DLG2: variants seen among roughly 807,000 people sequenced by gnomAD.
DLG2 encodes discs large MAGUK scaffold protein 2, also known as disks large homolog 2.
A neutral mutation model predicts 132.5 loss-of-function variants in DLG2; 45 were observed. The observed-to-expected ratio is 0.34, with a 90% CI of 0.27 to 0.44. DLG2 has a LOEUF of 0.44. DLG2 is among the 20% of genes least tolerant of loss of function. DLG2 has a pLI of 1.00. For missense variants in DLG2, 1,045 were observed against 1,196.9 expected (o/e 0.87, Z 1.87); for synonymous variants, 424 against 419.6 (o/e 1.01, Z -0.13).
At chr11:84,962,146 C>A (rs893842354) in intron 6 of DLG2, among the ~76,000 whole-genome samples, 1 of 152,258 alleles carries the variant, frequency 6.6e-6, no homozygotes, top group African/African-American at 2.4e-5. Flanking sequence ...TTACAATCAT[C>A]CTCTCACACA....
intron 5 of DLG2, among the ~76,000 whole-genome samples, chr11:85,124,146 C>T (rs921184528): frequency 6.6e-6 from 1 of 152,238 alleles, no homozygotes; most frequent in Non-Finnish European, 1.5e-5. Flanking sequence ...ATAGTTGCTA[C>T]ACTAAACCTT....
intron 6 of DLG2, among the ~76,000 whole-genome samples, chr11:84,824,461 A>G (rs1354177310): frequency 6.6e-6 from 1 of 151,918 alleles, no homozygotes; most frequent in African/African-American, 2.4e-5. Flanking sequence ...ATTTGGGATG[A>G]TTTATGGGCA....
At chr11:83,930,923 A>G (rs971846718) in intron 14 of DLG2, among the ~76,000 whole-genome samples, 1 of 152,222 alleles carries the variant, frequency 6.6e-6, no homozygotes, top group South Asian at 2.1e-4. Context: ...GAATATAAAG[A>G]TAGAACCTGT....
At chr11:85,155,909 A>G (rs2077558232) in intron 4 of DLG2, among the ~76,000 whole-genome samples, 1 of 152,040 alleles carries the variant, frequency 6.6e-6, no homozygotes, top group Non-Finnish European at 1.5e-5. Flanking sequence ...AATGAGGAGA[A>G]ATTTCTAAAG....
chr11:85,473,089 G>A (rs1029071595), intron 3 of DLG2, among the ~76,000 whole-genome samples: 44 of 152,342 alleles, frequency 2.9e-4, no homozygotes, highest in African/African-American at 9.1e-4. Flanking sequence ...CTTGCAGTAC[G>A]TCTGGTCTAG....
chr11:85,458,403 T>C (rs921682347), intron 3 of DLG2, among the ~76,000 whole-genome samples: 1 of 152,242 alleles, frequency 6.6e-6, no homozygotes. Flanking sequence ...ATGATCTTCA[T>C]TCCTATCCAT....
chr11:84,527,953 C>T (rs2099326769), intron 7 of DLG2, among the ~76,000 whole-genome samples: 1 of 149,150 alleles, frequency 6.7e-6, no homozygotes, highest in African/African-American at 2.5e-5. Context: ...AATACTCCTA[C>T]AGGGCACTCT....
chr11:83,930,348 T>G lies in DLG2; in HGVS notation c.1476A>C (p.Leu492=), dbSNP rs368797626. The G allele has an allele frequency of 4.5e-5, 72 of 1,613,742 alleles. No individual in the cohort carries two copies. The highest frequency in any genetic ancestry group is 8.3e-5 in the Admixed American group (5 of 59,980). The change falls in exon 15 of 28, where the codon CTA becomes CTC. Residue 492 remains leucine, a synonymous_variant. Coordinates refer to ENST00000376104, the MANE Select transcript of DLG2 (RefSeq NM_001142699.3). ...AGTACCTGGTCATCTCAGAGTCAGG[T>G]AGCAGGCCTAGGTGGTAGTGGGAAT... ...APYSHYHLGL[L]PDSEMTSHSQ... is the part of the protein sequence containing the mutation.
intron 18 of DLG2, among the ~76,000 whole-genome samples, chr11:83,733,272 G>A (rs12807660): frequency 0.12 from 17,522 of 142,076 alleles, 1,927 homozygotes; most frequent in African/African-American, 0.29. Context: ...AAAGGAAAGA[G>A]AAAAGGAAAA....
chr11:83,693,422 G>T (rs1474467309), intron 18 of DLG2, among the ~76,000 whole-genome samples: 1 of 152,136 alleles, frequency 6.6e-6, no homozygotes, highest in Non-Finnish European at 1.5e-5. Context: ...AGGGCCAAAT[G>T]AACAGCAGGC....
At chr11:84,283,313 A>G (rs1226759119) in intron 7 of DLG2, among the ~76,000 whole-genome samples, 1 of 152,186 alleles carries the variant, frequency 6.6e-6, no homozygotes, top group Non-Finnish European at 1.5e-5. Flanking sequence ...TAGCCTTGTG[A>G]CCATGGCCAA....
At chr11:84,317,058 C>T (rs1376324875) in intron 7 of DLG2, 1 of 1,612,728 alleles carries the variant, frequency 6.2e-7, no homozygotes, top group African/African-American at 1.3e-5. Flanking sequence ...CAGTGGGCAT[C>T]CCTGATCAGG....
intron 11 of DLG2, among the ~76,000 whole-genome samples, chr11:84,035,242 A>G (rs575080005): frequency 6.4e-4 from 97 of 152,226 alleles, no homozygotes; most frequent in Non-Finnish European, 1.2e-3. Flanking sequence ...CATGTATCCA[A>G]CACTTATTGA....
chr11:83,487,677 ATTAT>A (rs1359947220), intron 21 of DLG2, among the ~76,000 whole-genome samples: 2 of 152,050 alleles, frequency 1.3e-5, no homozygotes, highest in African/African-American at 2.4e-5. Context: ...ATGCTTGAAG[ATTAT>A]TTATTTAAAT....
At chr11:84,341,806 G>C (rs1280455008) in intron 7 of DLG2, among the ~76,000 whole-genome samples, 2 of 152,230 alleles carry the variant, frequency 1.3e-5, no homozygotes, top group Non-Finnish European at 2.9e-5. Flanking sequence ...CAGAATTTCT[G>C]TACCCCTTTT....
chr11:84,714,640 TC>T (rs2060970340), intron 6 of DLG2, among the ~76,000 whole-genome samples: 12 of 143,904 alleles, frequency 8.3e-5, no homozygotes, highest in South Asian at 2.2e-4. Flanking sequence ...TCTCTCTCTC[TC>T]TCTCTTTCTC....
chr11:83,918,561 T>C (rs1473155776), intron 15 of DLG2, among the ~76,000 whole-genome samples: 1 of 152,224 alleles, frequency 6.6e-6, no homozygotes, highest in Admixed American at 6.5e-5. Context: ...TTTGTTTCTC[T>C]GCTGGGAAAA....
At chr11:84,693,751 A>T (rs1425380757) in intron 6 of DLG2, among the ~76,000 whole-genome samples, 1 of 151,420 alleles carries the variant, frequency 6.6e-6, no homozygotes, top group Non-Finnish European at 1.5e-5. Flanking sequence ...CTTGCACCAT[A>T]TGGGTCTTTG....
chr11:85,448,333 T>C (rs2092098506), intron 3 of DLG2, among the ~76,000 whole-genome samples: 1 of 152,176 alleles, frequency 6.6e-6, no homozygotes, highest in Admixed American at 6.5e-5. Context: ...ATTGCCTCAA[T>C]TCTCCTTGAG....
Sources: gnomAD v4.1 joint callset for allele counts (sites outside exome capture counted in the v4.1 genomes callset) on GRCh38, gnomAD v4.1.1 for gene constraint, MANE v1.5 for transcripts, NCBI Gene and HGNC (gene_info 2026-07-23, HGNC 2026-07-21) for gene names.